The following DIRAS2 variants were observed in gnomAD, a reference collection of about 807,000 sequenced individuals.
DIRAS2 encodes the protein GTP-binding protein Di-Ras2.
A neutral mutation model predicts 13.9 loss-of-function variants in DIRAS2; 5 were observed. The ratio of observed to expected loss-of-function variants is 0.36; its 90% CI spans 0.19 to 0.76. The LOEUF (loss-of-function observed/expected upper bound fraction) is 0.76, where lower values mean the gene tolerates loss of function less well. Among genes scored for constraint, DIRAS2 ranks in the 30% least tolerant of loss-of-function variants. DIRAS2 has a pLI of 0.53. For synonymous variants in DIRAS2, 111 were observed against 105.4 expected (o/e 1.05, Z -0.33); for missense variants, 191 against 263.0 (o/e 0.73, Z 1.89).
chr9:90,630,456 T>C lies in DIRAS2; in HGVS notation c.-37+12296A>G, dbSNP rs117831302. On this transcript the variant is annotated intron_variant, in intron 1 of 1. Transcript: ENST00000375765. Reference sequence around the variant, plus strand: ...TCACTGCACTATTACAGAAAAGATCTTGAAGCCAAAAGTAGGCAGAAGCTA... The same window carrying C: ...TCACTGCACTATTACAGAAAAGATCCTGAAGCCAAAAGTAGGCAGAAGCTA... 1.7e-3 allele frequency among the ~76,000 whole-genome samples: 266 copies of C among 152,356 alleles called. 6 individuals carry two copies. In the South Asian group the frequency reaches 0.038, roughly 21 times the overall value.
intron 1 of DIRAS2, among the ~76,000 whole-genome samples, chr9:90,622,732 G>C (rs546614024): frequency 1.6e-4 from 24 of 152,150 alleles, no homozygotes; most frequent in Admixed American, 1.1e-3. Flanking sequence ...TCTTTCCTTT[G>C]TAAGAAATTT....
chr9:90,614,247 G>A (rs1378405253), intron 1 of DIRAS2, among the ~76,000 whole-genome samples: 1 of 151,088 alleles, frequency 6.6e-6, no homozygotes, highest in Non-Finnish European at 1.5e-5. Context: ...ATCATCAACA[G>A]CAGCATATCT....
chr9:90,612,145 A>G lies in DIRAS2; in HGVS notation c.*1083T>C, dbSNP rs1053241697. The G allele has an allele frequency of 6.5e-6, 1 of 152,828 alleles. No individual in the cohort carries two copies. The highest frequency in any genetic ancestry group is 1.9e-4 in the East Asian group (1 of 5,190). The allele number at this position is 152,828 out of a possible 1,614,324, so 9.5% of individuals were successfully genotyped here. Reference sequence around the variant, plus strand: ...TTATTTAAATGCATTTTCCAGGAACATATTTCCAATACAGATAGATCATCA... The same window carrying G: ...TTATTTAAATGCATTTTCCAGGAACGTATTTCCAATACAGATAGATCATCA... On this transcript the variant is annotated 3_prime_UTR_variant, in exon 2 of 2. Coordinates refer to ENST00000375765, the MANE Select transcript of DIRAS2 (RefSeq NM_017594.5).
At chr9:90,630,074 TTC>T (rs147579326) in intron 1 of DIRAS2, among the ~76,000 whole-genome samples, 5 of 152,068 alleles carry the variant, frequency 3.3e-5, no homozygotes, top group Admixed American at 6.5e-5. Flanking sequence ...TCTGTTCTTT[TTC>T]TCTCTCTCTC....
chr9:90,618,787 A>G (rs1267777844), intron 1 of DIRAS2, among the ~76,000 whole-genome samples: 1 of 152,244 alleles, frequency 6.6e-6, no homozygotes, highest in African/African-American at 2.4e-5. Context: ...TTAATAGTCA[A>G]TAAGAAGATA....
At chr9:90,629,087 C>T (rs1209432525) in intron 1 of DIRAS2, among the ~76,000 whole-genome samples, 2 of 152,158 alleles carry the variant, frequency 1.3e-5, no homozygotes, top group East Asian at 1.9e-4. Context: ...ATCTCCTGAC[C>T]TCGTGATCTG....
intron 1 of DIRAS2, chr9:90,625,753 G>A (rs1825262565): frequency 6.6e-6 from 1 of 152,148 alleles, no homozygotes; most frequent in South Asian, 2.1e-4. Context: ...AGAAGTATGA[G>A]TCTTCAACTT....
chr9:90,631,715 C>T (rs527405991), intron 1 of DIRAS2, among the ~76,000 whole-genome samples: 2 of 152,256 alleles, frequency 1.3e-5, no homozygotes, highest in South Asian at 2.1e-4. Flanking sequence ...CATTCATATA[C>T]CTGCACCCTC....
At chr9:90,634,522 C>T (rs1825354175) in intron 1 of DIRAS2, among the ~76,000 whole-genome samples, 1 of 152,154 alleles carries the variant, frequency 6.6e-6, no homozygotes, top group African/African-American at 2.4e-5. Context: ...CACAGATGAA[C>T]ATCTCAAGGC....
rs397732722 is a variant in DIRAS2 at position 90,610,823 on chromosome 9, A to AG, written c.*2404_*2405insC. The AG allele has an allele frequency of 6.0e-6, 1 of 165,624 alleles. No individual in the cohort carries two copies. The highest frequency in any genetic ancestry group is 1.3e-5 in the Non-Finnish European group (1 of 77,402). 10.3% of individuals were successfully genotyped at this position (165,624 alleles called of 1,614,324 possible). A position where few individuals can be genotyped will look rare whatever the true frequency, so the allele number is the denominator to read the frequency against. On this transcript the variant is annotated 3_prime_UTR_variant, in exon 2 of 2. Coordinates refer to ENST00000375765, the MANE Select transcript of DIRAS2 (RefSeq NM_017594.5). Reference sequence around the variant, plus strand: ...TCACAGAAAAAATATGAAGGAAAAAATGTGTCCTGAATGAAATCAGACTTT... The same window carrying AG: ...TCACAGAAAAAATATGAAGGAAAAAAGTGTGTCCTGAATGAAATCAGACTTT...
chr9:90,612,778 A>C lies in DIRAS2; in HGVS notation c.*450T>G, dbSNP rs927551114. The C allele has an allele frequency of 1.7e-5, 3 of 179,198 alleles. No individual in the cohort carries two copies. Among genetic ancestry groups the C allele is most frequent in the African/African-American group, 7.1e-5 (3 of 42,018 alleles). 11.1% of individuals were successfully genotyped at this position (179,198 alleles called of 1,614,324 possible). ...AGTGTGGTCCACTTTGGACCATCTG[A>C]TCTTCTCACCTCTTCCTGCCCCTCC... On this transcript the variant is annotated 3_prime_UTR_variant, in exon 2 of 2. Coordinates refer to ENST00000375765, the MANE Select transcript of DIRAS2 (RefSeq NM_017594.5).
intron 1 of DIRAS2, among the ~76,000 whole-genome samples, chr9:90,641,421 C>T (rs1221519761): frequency 1.3e-5 from 2 of 152,084 alleles, no homozygotes; most frequent in Non-Finnish European, 2.9e-5. Flanking sequence ...GGACTATTAC[C>T]AAATTAAATG....
intron 1 of DIRAS2, among the ~76,000 whole-genome samples, chr9:90,629,141 A>G (rs1004270060): frequency 2.6e-5 from 4 of 152,252 alleles, no homozygotes; most frequent in Admixed American, 2.6e-4. Context: ...GGCGTGAGCC[A>G]CCACGCCTGG....
At chr9:90,628,999 C>T (rs948416354) in intron 1 of DIRAS2, among the ~76,000 whole-genome samples, 2 of 152,198 alleles carry the variant, frequency 1.3e-5, no homozygotes, top group South Asian at 2.1e-4. Flanking sequence ...GGACTACGGG[C>T]GCCCGCCACC....
In DIRAS2 at chr9:90,613,083, C is replaced by T. The variant is rs1825130996; in HGVS notation, c.*145G>A. On this transcript the variant is annotated 3_prime_UTR_variant, in exon 2 of 2. Transcript: ENST00000375765. The surrounding 1 kb of genome is among the most constrained non-coding windows in gnomAD (Gnocchi z 5.6). ...GCTTACTGTTGGTGGTGTGAAACGC[C>T]CTCTTAAGGACAATAGGACGCATCT... is the stretch of plus-strand genomic sequence containing the variant. 8.1e-7 allele frequency: 1 copy of T among 1,229,170 alleles called. No individual in the cohort carries two copies. The highest frequency in any genetic ancestry group is 1.1e-6 in the Non-Finnish European group (1 of 893,514). The allele number at this position is 1,229,170 out of a possible 1,614,324, so 76.1% of individuals were successfully genotyped here. A position where few individuals can be genotyped will look rare whatever the true frequency, so the allele number is the denominator to read the frequency against.
chr9:90,636,262 T>C (rs1399231359), intron 1 of DIRAS2, among the ~76,000 whole-genome samples: 1 of 151,886 alleles, frequency 6.6e-6, no homozygotes, highest in Non-Finnish European at 1.5e-5. Flanking sequence ...ATGGTCTCCA[T>C]CTCCTGACCT....
chr9:90,634,845 G>A (rs1193294848), intron 1 of DIRAS2, among the ~76,000 whole-genome samples: 1 of 152,134 alleles, frequency 6.6e-6, no homozygotes, highest in Non-Finnish European at 1.5e-5. Flanking sequence ...AATGGGCTTC[G>A]TGCCAAGTTG....
At chr9:90,616,972 T>C (rs887322146) in intron 1 of DIRAS2, among the ~76,000 whole-genome samples, 10 of 152,164 alleles carry the variant, frequency 6.6e-5, no homozygotes, top group African/African-American at 2.4e-4. Context: ...GTGGGGAATC[T>C]AGCTCTGCCT....
Position 90,611,273 on chromosome 9 carries a change from G to A in DIRAS2, c.*1955C>T, listed in dbSNP as rs1825110507. 1 of 152,162 alleles carries A rather than the reference G, an allele frequency of 6.6e-6. No homozygotes were observed. The highest frequency in any genetic ancestry group is 2.4e-5 in the African/African-American group (1 of 41,432). 9.4% of individuals were successfully genotyped at this position (152,162 alleles called of 1,614,324 possible). ...ATCCTGCTTGAGGAATCTGAAGGGG[G>A]CCACGGGACTGGCCCAAATGCTCTT... On this transcript the variant is annotated 3_prime_UTR_variant, in exon 2 of 2. Coordinates refer to ENST00000375765, the MANE Select transcript of DIRAS2 (RefSeq NM_017594.5).
Sources: allele counts gnomAD v4.1 joint callset (sites outside exome capture counted in the v4.1 genomes callset), GRCh38; gene constraint gnomAD v4.1.1; non-coding constraint Gnocchi (gnomAD v3.1); transcripts MANE v1.5; gene names NCBI Gene and HGNC (gene_info 2026-07-23, HGNC 2026-07-21).